Variants in ARHGEF28 observed in about 807,000 individuals in gnomAD.
ARHGEF28 encodes 190 kDa guanine nucleotide exchange factor.
ARHGEF28 carries 152 observed loss-of-function variants against 206.6 expected under a neutral mutation model. That is an observed-to-expected ratio of 0.74 (90% confidence interval 0.64 to 0.84). ARHGEF28 has a LOEUF of 0.84. ARHGEF28 is among the 40% of genes least tolerant of loss of function. ARHGEF28 has a pLI of 0.00. For missense variants in ARHGEF28, 2,028 were observed against 2,073.2 expected (o/e 0.98, Z 0.42); for synonymous variants, 763 against 776.4 (o/e 0.98, Z 0.29).
chr5:73,866,943 G>A (rs1373451473), intron 18 of ARHGEF28, among the ~76,000 whole-genome samples: 1 of 152,122 alleles, frequency 6.6e-6, no homozygotes, highest in African/African-American at 2.4e-5. Context: ...CAAATTTGTG[G>A]CAACATGCTA....
intron 2 of ARHGEF28, among the ~76,000 whole-genome samples, chr5:73,733,018 G>A (rs1234182170): frequency 1.3e-5 from 2 of 151,944 alleles, no homozygotes; most frequent in African/African-American, 4.8e-5. Context: ...ATAGGTTTTG[G>A]GGAACAGGTG....
At chr5:73,908,427 C>T (rs1762666145) in intron 33 of ARHGEF28, 1 of 152,148 alleles carries the variant, frequency 6.6e-6, no homozygotes, top group South Asian at 2.1e-4. Context: ...AATGATTTCT[C>T]ATATGGGGTC....
At chr5:73,765,048 A>C (rs1383823043) in intron 4 of ARHGEF28, among the ~76,000 whole-genome samples, 2 of 152,014 alleles carry the variant, frequency 1.3e-5, no homozygotes, top group African/African-American at 4.8e-5. Flanking sequence ...AATATCTGTA[A>C]ATTTTCATAT....
chr5:73,701,045 T>C (rs928884940), intron 2 of ARHGEF28, among the ~76,000 whole-genome samples: 3 of 152,204 alleles, frequency 2.0e-5, no homozygotes, highest in African/African-American at 7.2e-5. Flanking sequence ...ACTGAATTCT[T>C]CATTAAGAAT....
At chr5:73,748,927 G>A (rs968033091) in intron 2 of ARHGEF28, among the ~76,000 whole-genome samples, 1 of 152,136 alleles carries the variant, frequency 6.6e-6, no homozygotes, top group Non-Finnish European at 1.5e-5. Context: ...GTTCCCCTGG[G>A]TGCAACACGG....
At chr5:73,711,051 G>A (rs992289653) in intron 2 of ARHGEF28, among the ~76,000 whole-genome samples, 3 of 152,138 alleles carry the variant, frequency 2.0e-5, no homozygotes, top group Non-Finnish European at 4.4e-5. Context: ...ACAATTTGGT[G>A]AAAATATTGT....
chr5:73,808,579 A>T (rs1755649991), intron 9 of ARHGEF28, among the ~76,000 whole-genome samples: 1 of 152,212 alleles, frequency 6.6e-6, no homozygotes, highest in African/African-American at 2.4e-5. Flanking sequence ...GGAAGGCTTT[A>T]TCCATCCCTG....
intron 1 of ARHGEF28, among the ~76,000 whole-genome samples, chr5:73,645,972 A>G (rs577989268): frequency 6.6e-6 from 1 of 152,132 alleles, no homozygotes; most frequent in South Asian, 2.1e-4. Flanking sequence ...TACCATACTT[A>G]AGCACTGGGT....
rs774334195 is a variant in ARHGEF28 at position 73,753,086 on chromosome 5, C to T, written c.359C>T (p.Thr120Ile). 3.7e-6 allele frequency: 6 copies of T among 1,607,256 alleles called. No individual in the cohort carries two copies. The highest frequency in any genetic ancestry group is 5.1e-6 in the Non-Finnish European group (6 of 1,176,630). Residue 120 changes from threonine (T) to isoleucine (I), a missense_variant, in exon 4 of 36, where the codon ACC becomes ATC. Thr to Ile is a moderately conservative substitution (Grantham distance 89, BLOSUM62 -1). Coordinates refer to ENST00000513042, the MANE Select transcript of ARHGEF28 (RefSeq NM_001177693.2). The stretch of plus-strand genomic sequence containing the variant: ...GCCTGCAGCCACCAGACCCTGCTGA[C>T]CCCATTTGCCTTGACGGCAGGAGCA... ...LTACSHQTLLTPFALTAGALP... is the reference protein window; with the variant it reads ...LTACSHQTLLIPFALTAGALP...
At chr5:73,929,310 C>G (rs1044521166) in intron 35 of ARHGEF28, among the ~76,000 whole-genome samples, 14 of 152,102 alleles carry the variant, frequency 9.2e-5, no homozygotes, top group African/African-American at 3.1e-4. Context: ...TATTTTGAAG[C>G]GGATCTTAAA....
chr5:73,911,670 T>C (rs1762917009), intron 35 of ARHGEF28, 95 bp downstream of exon 35: 1 of 1,264,578 alleles, frequency 7.9e-7, no homozygotes, highest in African/African-American at 1.5e-5. Context: ...AAGTCCTCCC[T>C]AGCATGGGAA....
chr5:73,671,975 T>C (rs1031387195), intron 1 of ARHGEF28, among the ~76,000 whole-genome samples: 8 of 151,748 alleles, frequency 5.3e-5, no homozygotes, highest in African/African-American at 1.9e-4. Flanking sequence ...CAGGCTGGTC[T>C]TGAACTCCTG....
chr5:73,802,641 C>T (rs974542493), intron 9 of ARHGEF28, among the ~76,000 whole-genome samples: 5 of 152,006 alleles, frequency 3.3e-5, no homozygotes, highest in Admixed American at 2.0e-4. Context: ...AATAGAAACT[C>T]TTAAGAAAGT....
intron 2 of ARHGEF28, among the ~76,000 whole-genome samples, chr5:73,748,845 G>T (rs1239623793): frequency 6.6e-6 from 1 of 152,140 alleles, no homozygotes; most frequent in Non-Finnish European, 1.5e-5. Flanking sequence ...TGTGTTTTCG[G>T]TAGGGAGTAG....
intron 2 of ARHGEF28, among the ~76,000 whole-genome samples, chr5:73,733,394 G>A (rs1750723255): frequency 6.6e-6 from 1 of 152,194 alleles, no homozygotes; most frequent in African/African-American, 2.4e-5. Context: ...TAAGCCAGTT[G>A]TTTAAAGCTA....
chr5:73,872,622 A>G (rs1760176664), intron 21 of ARHGEF28, among the ~76,000 whole-genome samples: 1 of 152,200 alleles, frequency 6.6e-6, no homozygotes, highest in African/African-American at 2.4e-5. Flanking sequence ...GCAAAAATCA[A>G]ATAAAGAAAG....
At chr5:73,735,953 A>G (rs1251340653) in intron 2 of ARHGEF28, among the ~76,000 whole-genome samples, 1 of 151,920 alleles carries the variant, frequency 6.6e-6, no homozygotes, top group Non-Finnish European at 1.5e-5. Flanking sequence ...TCCCATCCAT[A>G]CAGAGACTCT....
rs1758362943 is a variant in ARHGEF28 at position 73,846,381 on chromosome 5, G to A, written c.1541G>A (p.Gly514Glu). 1 of 1,613,886 alleles carries A rather than the reference G, an allele frequency of 6.2e-7. No individual in the cohort carries two copies. Among genetic ancestry groups the A allele is most frequent in the East Asian group, 2.2e-5 (1 of 44,864 alleles). ...TCCTCAAGAACTGGGATTCCTAGTG[G>A]GGATGAATTGGACTCTTTTGAGACT... ...QSSSRTGIPSGDELDSFETNT... is the reference protein window; with the variant it reads ...QSSSRTGIPSEDELDSFETNT... Residue 514 changes from glycine to glutamate, a missense_variant, in exon 12 of 36, where the codon GGG becomes GAG. By Grantham distance (98) the Gly-to-Glu change is moderately conservative. Transcript: ENST00000513042.
intron 1 of ARHGEF28, among the ~76,000 whole-genome samples, chr5:73,639,782 G>A (rs1327414197): frequency 2.6e-5 from 4 of 152,146 alleles, no homozygotes; most frequent in Non-Finnish European, 5.9e-5. Context: ...TGAAGAAGAC[G>A]TGTTGGGGGT....
Sources: allele counts gnomAD v4.1 joint callset (sites outside exome capture counted in the v4.1 genomes callset), GRCh38; gene constraint gnomAD v4.1.1; transcripts MANE v1.5; gene names NCBI Gene and HGNC (gene_info 2026-07-23, HGNC 2026-07-21).